The following NOX3 variants were observed in gnomAD, a reference collection of about 807,000 sequenced individuals.
NOX3 encodes NADPH oxidase catalytic subunit-like 3.
In NOX3, 74 loss-of-function variants were observed where a neutral mutation model predicts 76.7. The ratio of observed to expected loss-of-function variants is 0.96; its 90% CI spans 0.80 to 1.17. NOX3 has a LOEUF of 1.17. NOX3 is among the 50% of genes most tolerant of loss of function. NOX3 has a pLI of 0.00. For synonymous variants in NOX3, 263 were observed against 261.1 expected, an observed-to-expected ratio of 1.01 and a Z score of -0.07; for missense variants, 695 against 703.3, an observed-to-expected ratio of 0.99 and a Z score of 0.13.
intron 12 of NOX3, among the ~76,000 whole-genome samples, chr6:155,401,670 A>G (rs1300783372): frequency 6.6e-6 from 1 of 152,140 alleles, no homozygotes; most frequent in East Asian, 1.9e-4. Context: ...GAAGCCCCCA[A>G]TCATATGGTA....
rs777481862 is a variant in NOX3, at chr6:155,428,889, G to A, written c.1050C>T (p.Ser350=). Residue 350 remains serine (S), a synonymous_variant, in exon 9 of 14, where the codon AGC becomes AGT. Transcript: ENST00000159060. The part of the protein sequence containing the change: ...LTSAPQEDFF[S]VHIRAAGDWT... ...AGTCTCCTGCTGCCCGGATGTGCAC[G>A]CTGAAAAAGTCCTCCTGGGGGGCAG... 27 of 1,613,576 alleles carry A rather than the reference G, an allele frequency of 1.7e-5. 1 individual carries two copies. Among genetic ancestry groups the A allele is most frequent in the South Asian group, 1.3e-4 (12 of 90,974 alleles).
intron 11 of NOX3, among the ~76,000 whole-genome samples, chr6:155,407,632 T>C (rs1776481355): frequency 6.6e-6 from 1 of 152,250 alleles, no homozygotes; most frequent in African/African-American, 2.4e-5. Flanking sequence ...CTACCTGCTA[T>C]CCCCTTTCAC....
At chr6:155,448,641 CAAAAAAA>C (rs34503841) in intron 4 of NOX3, among the ~76,000 whole-genome samples, 1 of 113,922 alleles carries the variant, frequency 8.8e-6, no homozygotes, top group South Asian at 2.9e-4. Flanking sequence ...AAGAGTGAAC[CAAAAAAA>C]AAAAAAAAAA....
intron 12 of NOX3, among the ~76,000 whole-genome samples, chr6:155,404,032 T>C (rs1779268379): frequency 6.6e-6 from 1 of 151,976 alleles, no homozygotes. Context: ...AAGATATAGA[T>C]GTCCATGTCA....
intron 10 of NOX3, among the ~76,000 whole-genome samples, chr6:155,415,101 T>C (rs942379379): frequency 6.6e-6 from 1 of 152,086 alleles, no homozygotes. Flanking sequence ...GGGGCTTGGG[T>C]CTGAGCGACA....
At chr6:155,428,480 TCAC>T (rs2114693959) in intron 9 of NOX3, among the ~76,000 whole-genome samples, 1 of 152,220 alleles carries the variant, frequency 6.6e-6, no homozygotes, top group South Asian at 2.1e-4. Context: ...CAGAGTTGTC[TCAC>T]TCATTGCAGG....
chr6:155,433,873 C>T (rs1776867179), intron 7 of NOX3, among the ~76,000 whole-genome samples: 1 of 152,156 alleles, frequency 6.6e-6, no homozygotes, highest in Admixed American at 6.5e-5. Context: ...TCTAAGTTTC[C>T]TTAATGCTAA....
In NOX3 at chr6:155,403,222, A is replaced by G. The variant is rs1156817534; in HGVS notation, c.1580+3908T>C. On this transcript the variant is annotated intron_variant, in intron 12 of 13. Coordinates refer to ENST00000159060, the MANE Select transcript of NOX3 (RefSeq NM_015718.3). The stretch of plus-strand genomic sequence containing the variant: ...TTCTTCATTAAAAGCTTCATTAAAC[A>G]TAAATCTCCTTTTACACAGCAGAAA... Among the ~76,000 whole-genome samples the G allele has an allele frequency of 4.6e-5, 7 of 152,376 alleles. No individual in the cohort carries two copies. In the East Asian group the frequency reaches 1.2e-3, roughly 25 times the overall value.
Position 155,433,565 on chromosome 6 carries a change from T to C in NOX3, c.799-2630A>G, listed in dbSNP as rs565814377. Among the ~76,000 whole-genome samples, 8 of 152,346 alleles carry C rather than the reference T, an allele frequency of 5.3e-5. No homozygotes were observed. In the East Asian group the frequency reaches 1.5e-3, roughly 29 times the overall value. On this transcript the variant is annotated intron_variant, in intron 7 of 13. Transcript: ENST00000159060. ...GGGAACTAGCTGGAGAAAATTATTA[T>C]TTAGTTCCCTCCAAGCTCTTAAACA...
intron 4 of NOX3, among the ~76,000 whole-genome samples, 167 bp from the exon 5 acceptor site, chr6:155,443,585 T>C (rs920201333): frequency 2.0e-5 from 3 of 152,194 alleles, no homozygotes; most frequent in Admixed American, 1.3e-4. Context: ...GTGGAGTGGA[T>C]TGAATACTTC....
intron 10 of NOX3, among the ~76,000 whole-genome samples, chr6:155,412,701 G>C (rs1476309010): frequency 1.3e-5 from 2 of 152,106 alleles, no homozygotes; most frequent in Non-Finnish European, 2.9e-5. Context: ...AGCTAAGCCG[G>C]GGTTCCCTTT....
At chr6:155,453,529 G>A in intron 3 of NOX3, 41 bp from the exon 4 acceptor site, 2 of 1,443,862 alleles carry the variant, frequency 1.4e-6, no homozygotes, top group Non-Finnish European at 2.0e-6. Flanking sequence ...TGGAAAAATT[G>A]CAGTGAAAAC....
At chr6:155,426,460 G>T (rs552926502) in intron 9 of NOX3, among the ~76,000 whole-genome samples, 1 of 152,316 alleles carries the variant, frequency 6.6e-6, no homozygotes, top group East Asian at 1.9e-4. Flanking sequence ...GTCAGCATGT[G>T]GCATCATGGC....
chr6:155,416,744 CTTTTTTTTTT>C (rs534711414), intron 10 of NOX3, among the ~76,000 whole-genome samples: 21 of 92,532 alleles, frequency 2.3e-4, no homozygotes, highest in South Asian at 7.9e-4. Flanking sequence ...CTGAAACATT[CTTTTTTTTTT>C]TTTTTTTTTT....
Position 155,428,801 on chromosome 6 carries a change from G to C in NOX3, c.1138C>G (p.Leu380Val). ...EGQALQEPWS[L>V]PRLAVDGPFG... ...AGAGAAATGGGCACGAACCTTGGCAGGCTCCAGGGCTCCTGGAGGGCCTGT... is the reference window on the plus strand; with the variant it reads ...AGAGAAATGGGCACGAACCTTGGCACGCTCCAGGGCTCCTGGAGGGCCTGT... Residue 380 changes from leucine to valine, a missense_variant, in exon 9 of 14, where the codon CTG becomes GTG. Leu to Val is a conservative substitution (Grantham distance 32, BLOSUM62 1). Coordinates refer to ENST00000159060, the MANE Select transcript of NOX3 (RefSeq NM_015718.3). 1.3e-6 allele frequency: 2 copies of C among 1,492,108 alleles called. No homozygotes were observed. The highest frequency in any genetic ancestry group is 1.8e-6 in the Non-Finnish European group (2 of 1,116,842). The allele number at this position is 1,492,108 out of a possible 1,614,324, so 92.4% of individuals were successfully genotyped here.
At chr6:155,428,465 A>G (rs927898480) in intron 9 of NOX3, among the ~76,000 whole-genome samples, 3 of 152,198 alleles carry the variant, frequency 2.0e-5, no homozygotes, top group Non-Finnish European at 2.9e-5. Context: ...ATAGAAAAAA[A>G]TGCCCAGAGT....
At position 155,411,176 on chromosome 6, in the gene NOX3, T is replaced by TTCAGCAATATTGC. The variant is rs768503888; in HGVS notation, c.1455+25_1455+37dup. 5.0e-6 allele frequency: 8 copies of TTCAGCAATATTGC among 1,590,166 alleles called. No homozygotes were observed. In the African/African-American group the frequency reaches 1.1e-4, roughly 21 times the overall value. On this transcript the variant is annotated intron_variant, in intron 11 of 13. Transcript: ENST00000159060. ...TTGTTCCTCATTGCTATTAGATGAG[T>TTCAGCAATATTGC]TCAGCAATATTGCTTATTCTCAGAG...
chr6:155,423,268 G>A (rs1320348538), intron 9 of NOX3, among the ~76,000 whole-genome samples: 1 of 152,166 alleles, frequency 6.6e-6, no homozygotes, highest in African/African-American at 2.4e-5. Flanking sequence ...AGCTTAGCAG[G>A]CTTCTATTTC....
chr6:155,444,017 C>G (rs942289564), intron 4 of NOX3, among the ~76,000 whole-genome samples: 5 of 152,080 alleles, frequency 3.3e-5, no homozygotes, highest in Non-Finnish European at 7.4e-5. Flanking sequence ...AATCGGAAAG[C>G]ATTATTCTAG....
Sources: allele counts gnomAD v4.1 joint callset (sites outside exome capture counted in the v4.1 genomes callset), GRCh38; gene constraint gnomAD v4.1.1; transcripts MANE v1.5; gene names NCBI Gene and HGNC (gene_info 2026-07-23, HGNC 2026-07-21).